The following EXD3 variants were observed in gnomAD, a reference collection of about 807,000 sequenced individuals.
EXD3 encodes the protein exonuclease mut-7 homolog.
Under a neutral mutation model 98.0 loss-of-function variants are expected in EXD3, and 92 were observed. The observed-to-expected ratio is 0.94, with a 90% confidence interval of 0.79 to 1.12. EXD3 has a LOEUF of 1.12. EXD3 is among the 50% of genes most tolerant of loss of function. EXD3 has a pLI of 0.00. For synonymous variants in EXD3, 569 were observed against 526.0 expected (o/e 1.08, Z -1.12); for missense variants, 1,222 against 1,191.6 (o/e 1.03, Z -0.38).
At chr9:137,387,353 ACTGGGGAGCC>A (rs1179759130) in intron 2 of EXD3, among the ~76,000 whole-genome samples, 1 of 152,180 alleles carries the variant, frequency 6.6e-6, no homozygotes, top group African/African-American at 2.4e-5. Flanking sequence ...AGCCCACGCA[ACTGGGGAGCC>A]CTGGGGAGCC....
At chr9:137,416,687 G>C (rs1838247207) in intron 1 of EXD3, among the ~76,000 whole-genome samples, 1 of 152,232 alleles carries the variant, frequency 6.6e-6, no homozygotes, top group African/African-American at 2.4e-5. Flanking sequence ...ATGGGGACGG[G>C]ACACATCCAG....
Position 137,405,796 on chromosome 9 carries a change from C to A in EXD3, c.-47-10392G>T, listed in dbSNP as rs1055699887. Among the ~76,000 whole-genome samples, 2 of 152,236 alleles carry A rather than the reference C, an allele frequency of 1.3e-5. No individual in the cohort carries two copies. Among genetic ancestry groups the A allele is most frequent in the African/African-American group, 4.8e-5 (2 of 41,450 alleles). ...CTGCCGGCCGGCACAGGGGTGGGTA[C>A]CATGCACATGGTCTCCCCGCCCTGC... On this transcript the variant is annotated intron_variant, in intron 1 of 21. Transcript: ENST00000340951. The surrounding 1 kb of genome is among the most constrained non-coding windows in gnomAD (Gnocchi z 4.1).
intron 2 of EXD3, 98 bp from the exon 3 acceptor site, chr9:137,383,475 G>A: frequency 1.1e-6 from 1 of 890,204 alleles, no homozygotes; most frequent in Non-Finnish European, 1.7e-6. Flanking sequence ...GCAATGCCTG[G>A]GGCTCCTCTG....
At chr9:137,374,324 G>A (rs1373939173) in intron 3 of EXD3, among the ~76,000 whole-genome samples, 1 of 152,266 alleles carries the variant, frequency 6.6e-6, no homozygotes, top group Non-Finnish European at 1.5e-5. Context: ...GAAGCCGACG[G>A]CCACGCAGGT....
chr9:137,331,742 C>T (rs984500833), intron 17 of EXD3, among the ~76,000 whole-genome samples: 2 of 151,938 alleles, frequency 1.3e-5, no homozygotes, highest in Admixed American at 6.6e-5. Flanking sequence ...ATGGTGAAAC[C>T]CCGTCTCTAC....
intron 9 of EXD3, 79 bp from the exon 10 acceptor site, chr9:137,354,456 C>T: frequency 6.3e-7 from 1 of 1,597,070 alleles, no homozygotes; most frequent in African/African-American, 1.3e-5. Context: ...TTTTCCTCGA[C>T]CCCTGGCAGG....
chr9:137,414,790 C>A (rs1221888769), intron 1 of EXD3, among the ~76,000 whole-genome samples: 1 of 152,204 alleles, frequency 6.6e-6, no homozygotes, highest in Non-Finnish European at 1.5e-5. Flanking sequence ...CCCACACCGC[C>A]ACTCCAGGGG....
intron 1 of EXD3, among the ~76,000 whole-genome samples, chr9:137,406,156 C>T (rs868461669): frequency 4.0e-5 from 6 of 149,548 alleles, no homozygotes; most frequent in Admixed American, 2.0e-4. Flanking sequence ...GTCAAGGCTG[C>T]GGTGACCCAA....
chr9:137,311,430 G>C (rs976591955), intron 19 of EXD3, among the ~76,000 whole-genome samples: 5 of 152,224 alleles, frequency 3.3e-5, no homozygotes, highest in African/African-American at 1.2e-4. Context: ...AGTGCCAGTG[G>C]GTGTAGGAGA....
At chr9:137,362,949 T>C (rs1835060126) in intron 7 of EXD3, among the ~76,000 whole-genome samples, 1 of 151,956 alleles carries the variant, frequency 6.6e-6, no homozygotes, top group Admixed American at 6.6e-5. Flanking sequence ...TAGCTGGGAT[T>C]ATAGGCATGA....
chr9:137,330,209 A>C (rs1295015910), intron 17 of EXD3, among the ~76,000 whole-genome samples: 2 of 142,678 alleles, frequency 1.4e-5, no homozygotes, highest in Non-Finnish European at 3.0e-5. Flanking sequence ...AGGACTACAC[A>C]GGAGCTACAC....
rs572181352 is a variant in EXD3 at position 137,314,296 on chromosome 9, G to A, written c.2185-4596C>T. On this transcript the variant is annotated intron_variant, in intron 19 of 21. Coordinates refer to ENST00000340951, the MANE Select transcript of EXD3 (RefSeq NM_017820.5). ...GTGACCCGACACTGTCCCCTGCTGT[G>A]GCACTGTGAGCCTCTTCAGAGAGAA... 3.3e-5 allele frequency among the ~76,000 whole-genome samples: 5 copies of A among 152,330 alleles called. No individual in the cohort carries two copies. The East Asian group carries it at 9.7e-4, about 29-fold the overall frequency.
At chr9:137,355,741 A>AAGGGAGGAAGGAGGAAGGAGGAAGGAG (rs1554810866) in intron 8 of EXD3, among the ~76,000 whole-genome samples, 1 of 119,740 alleles carries the variant, frequency 8.4e-6, no homozygotes, top group African/African-American at 3.2e-5. Flanking sequence ...AGGACCTAGA[A>AAGGGAGGAAGGAGGAAGGAGGAAGGAG]ACACTGCAAA....
intron 19 of EXD3, among the ~76,000 whole-genome samples, chr9:137,318,531 G>A (rs568454785): frequency 6.6e-6 from 1 of 152,314 alleles, no homozygotes; most frequent in African/African-American, 2.4e-5. Flanking sequence ...GCCATGTCAG[G>A]GGTTCATGGT....
chr9:137,400,023 C>T (rs1334800710), intron 1 of EXD3, among the ~76,000 whole-genome samples: 2 of 139,528 alleles, frequency 1.4e-5, no homozygotes, highest in Non-Finnish European at 3.1e-5. Context: ...GAGCAGAACT[C>T]CATCTCAAAA....
Position 137,330,827 on chromosome 9 carries a change from C to A in EXD3, c.1999-6684G>T, listed in dbSNP as rs1391703017. On this transcript the variant is annotated intron_variant, in intron 17 of 21. Coordinates refer to ENST00000340951, the MANE Select transcript of EXD3 (RefSeq NM_017820.5). The stretch of plus-strand genomic sequence containing the variant: ...AAAGAACAAGGAAAATTCATTAACA[C>A]GAAGGAGTTTGTCATTTCCCAGAGG... Among the ~76,000 whole-genome samples the A allele has an allele frequency of 2.0e-5, 3 of 152,136 alleles. No individual in the cohort carries two copies. The South Asian group carries it at 6.2e-4, about 31-fold the overall frequency.
At chr9:137,320,010 C>T (rs993671832) in intron 19 of EXD3, among the ~76,000 whole-genome samples, 2 of 152,264 alleles carry the variant, frequency 1.3e-5, no homozygotes, top group Non-Finnish European at 2.9e-5. Flanking sequence ...GACCAGCACC[C>T]GCTCCTGCCA....
intron 1 of EXD3, among the ~76,000 whole-genome samples, chr9:137,411,694 G>A (rs1298718204): frequency 6.9e-6 from 1 of 144,294 alleles, no homozygotes; most frequent in Non-Finnish European, 1.5e-5. Context: ...CGGAGGCGGG[G>A]GTGGGGGAGG....
intron 2 of EXD3, among the ~76,000 whole-genome samples, chr9:137,389,268 C>A (rs1057003341): frequency 9.2e-5 from 14 of 152,172 alleles, no homozygotes; most frequent in African/African-American, 3.4e-4. Flanking sequence ...CTCGGCTCGC[C>A]GCAGAGGACC....
Sources: gnomAD v4.1 joint callset for allele counts (sites outside exome capture counted in the v4.1 genomes callset) on GRCh38, gnomAD v4.1.1 for gene constraint, Gnocchi (gnomAD v3.1) non-coding constraint, MANE v1.5 for transcripts, NCBI Gene and HGNC (gene_info 2026-07-23, HGNC 2026-07-21) for gene names.